The following IRAK2 variants were observed in gnomAD, a reference collection of about 807,000 sequenced individuals.
IRAK2 encodes interleukin 1 receptor associated kinase 2.
A neutral mutation model predicts 72.0 loss-of-function variants in IRAK2; 57 were observed. That is an observed-to-expected ratio of 0.79 (90% confidence interval 0.64 to 0.99). IRAK2 has a LOEUF of 0.99. IRAK2 is among the 50% of genes least tolerant of loss of function. The probability of loss-of-function intolerance (pLI) is 0.00; values close to 1 mark genes in which losing one functional copy is unlikely to be tolerated. For missense variants in IRAK2, 790 were observed against 794.4 expected (o/e 0.99, Z 0.07); for synonymous variants, 293 against 312.7 (o/e 0.94, Z 0.67).
chr3:10,184,939 G>A (rs907415239), intron 2 of IRAK2, among the ~76,000 whole-genome samples: 14 of 150,202 alleles, frequency 9.3e-5, no homozygotes, highest in South Asian at 8.4e-4. Flanking sequence ...GGGTTTCACC[G>A]TGTTAGCCAG....
At chr3:10,239,096 C>A in intron 12 of IRAK2, 57 bp downstream of exon 12, 2 of 1,444,002 alleles carry the variant, frequency 1.4e-6, no homozygotes, top group Non-Finnish European at 1.8e-6. Context: ...CAACTTCAGC[C>A]CATCATTTTT....
chr3:10,189,496 G>A (rs75709483), intron 2 of IRAK2, among the ~76,000 whole-genome samples: 1 of 152,270 alleles, frequency 6.6e-6, no homozygotes, highest in Non-Finnish European at 1.5e-5. Context: ...GATGTCAACT[G>A]AGTAGGACAG....
intron 4 of IRAK2, among the ~76,000 whole-genome samples, chr3:10,212,305 T>G (rs1364850142): frequency 6.6e-6 from 1 of 151,664 alleles, no homozygotes; most frequent in Non-Finnish European, 1.5e-5. Context: ...TTTTTGCAAT[T>G]TTTTTTTTAA....
At position 10,238,856 on chromosome 3, in the gene IRAK2, G is replaced by C; in HGVS notation, c.1582G>C (p.Glu528Gln). ...AGGCTCTTCTTCCAACACCCCAGAGGAAACAGACGACGTTGACAATTCCAG... is the reference window on the plus strand; with the variant it reads ...AGGCTCTTCTTCCAACACCCCAGAGCAAACAGACGACGTTGACAATTCCAG... ...GTGSSSNTPE[E>Q]TDDVDNSSLD... The change falls in exon 12 of 13, where the codon GAA becomes CAA. Residue 528 changes from glutamate to glutamine, a missense_variant. Coordinates refer to ENST00000256458, the MANE Select transcript of IRAK2 (RefSeq NM_001570.4). 1.2e-6 allele frequency: 2 copies of C among 1,614,132 alleles called. No individual in the cohort carries two copies. Among genetic ancestry groups the C allele is most frequent in the Non-Finnish European group, 1.7e-6 (2 of 1,180,010 alleles).
intron 2 of IRAK2, among the ~76,000 whole-genome samples, chr3:10,181,296 G>A (rs761531978): frequency 2.0e-5 from 3 of 151,804 alleles, no homozygotes; most frequent in Non-Finnish European, 4.4e-5. Flanking sequence ...TCAATATGGA[G>A]TGACTTTGTG....
chr3:10,176,888 C>T (rs1389508535), intron 1 of IRAK2, among the ~76,000 whole-genome samples: 8 of 146,296 alleles, frequency 5.5e-5, no homozygotes, highest in African/African-American at 1.8e-4. Flanking sequence ...CTGCAAGCTC[C>T]GCCTCCCAGG....
intron 2 of IRAK2, among the ~76,000 whole-genome samples, chr3:10,181,040 TG>T (rs1244492167): frequency 2.0e-5 from 3 of 152,136 alleles, no homozygotes; most frequent in Non-Finnish European, 4.4e-5. Flanking sequence ...GACTCCTCTG[TG>T]TGCCCCCAGC....
intron 6 of IRAK2, 21 bp from the exon 7 acceptor site, chr3:10,216,913 T>A: frequency 6.4e-7 from 1 of 1,574,602 alleles, no homozygotes. Context: ...TCCTCACACC[T>A]GCACTGACGC....
rs539586593 is a variant in IRAK2 at position 10,184,952 on chromosome 3, T to TGATCTC, written c.277+6933_277+6938dup. Among the ~76,000 whole-genome samples, 538 of 150,624 alleles carry TGATCTC rather than the reference T, an allele frequency of 3.6e-3. 23 individuals are homozygous for TGATCTC. Among genetic ancestry groups the TGATCTC allele is most frequent in the African/African-American group, 0.012 (502 of 40,498 alleles). On this transcript the variant is annotated intron_variant, in intron 2 of 12. Coordinates refer to ENST00000256458, the MANE Select transcript of IRAK2 (RefSeq NM_001570.4). ...CGGGGTTTCACCGTGTTAGCCAGGG[T>TGATCTC]GATCTCCTGACCTCGTGATCCGCCC...
Position 10,242,349 on chromosome 3 carries a change from C to CCTG in IRAK2, c.*121_*122insCTG. On this transcript the variant is annotated 3_prime_UTR_variant, in exon 13 of 13. Transcript: ENST00000256458. The stretch of plus-strand genomic sequence containing the variant: ...AACACACAACAAAACATCTGCTGTC[C>CCTG]TGGGTGGGAGGGAAACTTCATTTCA... The CCTG allele has an allele frequency of 1.8e-6, 1 of 558,822 alleles. No individual in the cohort carries two copies. Among genetic ancestry groups the CCTG allele is most frequent in the Non-Finnish European group, 3.2e-6 (1 of 316,022 alleles). 34.6% of individuals were successfully genotyped at this position (558,822 alleles called of 1,614,324 possible).
chr3:10,217,091 C>A, intron 7 of IRAK2, 43 bp downstream of exon 7: 2 of 1,399,958 alleles, frequency 1.4e-6, no homozygotes, highest in Non-Finnish European at 1.0e-6. Flanking sequence ...CCAGGCTGCA[C>A]CCAGCCATGG....
In IRAK2 at chr3:10,169,583, C is replaced by T. The variant is rs1696760200; in HGVS notation, c.94+4535C>T. On this transcript the variant is annotated intron_variant, in intron 1 of 12. Coordinates refer to ENST00000256458, the MANE Select transcript of IRAK2 (RefSeq NM_001570.4). ...TATGGCTCTATTCTGCCCGACCCCA[C>T]AGGCAGTCAGACCTTATGGTTATCT... Among the ~76,000 whole-genome samples the T allele has an allele frequency of 2.0e-5, 3 of 152,222 alleles. No individual in the cohort carries two copies. The South Asian group carries it at 6.2e-4, about 32-fold the overall frequency.
At chr3:10,200,329 T>A (rs1322236824) in intron 2 of IRAK2, 40 bp from the exon 3 acceptor site, 10 of 1,531,052 alleles carry the variant, frequency 6.5e-6, no homozygotes, top group Non-Finnish European at 8.8e-6. Context: ...CTACCCCACT[T>A]CATGGAATAG....
chr3:10,222,630 C>T lies in IRAK2; in HGVS notation c.1014-6C>T, dbSNP rs765194849. 2 of 1,611,942 alleles carry T rather than the reference C, an allele frequency of 1.2e-6. No homozygotes were observed. The highest frequency in any genetic ancestry group is 2.2e-5 in the South Asian group (2 of 91,048). On this transcript the variant is annotated splice_polypyrimidine_tract_variant and splice_region_variant and intron_variant, in intron 8 of 12. Coordinates refer to ENST00000256458, the MANE Select transcript of IRAK2 (RefSeq NM_001570.4). ...GAGAAGGTTCCCTCTCCTTTCATTTCCACAGCTCTAATGTCTTGCTGGACC... is the reference window on the plus strand; with the variant it reads ...GAGAAGGTTCCCTCTCCTTTCATTTTCACAGCTCTAATGTCTTGCTGGACC...
intron 10 of IRAK2, among the ~76,000 whole-genome samples, chr3:10,230,394 C>T (rs1262425330): frequency 6.6e-6 from 1 of 151,982 alleles, no homozygotes; most frequent in Non-Finnish European, 1.5e-5. Context: ...ATGATCATAG[C>T]TCACTGTCAC....
chr3:10,242,062 A>T, intron 12 of IRAK2, 54 bp from the exon 13 acceptor site: 1 of 993,978 alleles, frequency 1.0e-6, no homozygotes, highest in Non-Finnish European at 1.6e-6. Context: ...TAAGAATTAT[A>T]ATAATAGTAA....
chr3:10,190,296 T>G (rs155582), intron 2 of IRAK2, among the ~76,000 whole-genome samples: 7,561 of 138,356 alleles, frequency 0.055, 332 homozygotes, highest in African/African-American at 0.13. Flanking sequence ...TTTTTTTTTT[T>G]GTGAGACAGA....
In IRAK2 at chr3:10,238,749, T is replaced by C. The variant is rs949238310; in HGVS notation, c.1475T>C (p.Val492Ala). 2.5e-6 allele frequency: 4 copies of C among 1,613,464 alleles called. No homozygotes were observed. Among genetic ancestry groups the C allele is most frequent in the African/African-American group, 1.3e-5 (1 of 74,872 alleles). ...LRRRNTSLQE[V>A]CGSVAAVEER... ...TCCCTTCTCTCTCTTCTCCCAAAGGTGTGTGGCTCTGTGGCTGCTGTGGAA... is the reference window on the plus strand; with the variant it reads ...TCCCTTCTCTCTCTTCTCCCAAAGGCGTGTGGCTCTGTGGCTGCTGTGGAA... The change falls in exon 12 of 13, where the codon GTG becomes GCG. Residue 492 changes from valine (V) to alanine (A), a missense_variant and splice_region_variant. Physicochemically the swap from Val to Ala is moderately conservative, Grantham distance 64. Transcript: ENST00000256458.
intron 10 of IRAK2, among the ~76,000 whole-genome samples, chr3:10,227,419 G>C (rs1697797072): frequency 6.6e-6 from 1 of 152,168 alleles, no homozygotes; most frequent in African/African-American, 2.4e-5. Context: ...CTGCACTCCA[G>C]CCTGGGTGAC....
Sources: gnomAD v4.1 joint callset for allele counts (sites outside exome capture counted in the v4.1 genomes callset) on GRCh38, gnomAD v4.1.1 for gene constraint, MANE v1.5 for transcripts, NCBI Gene and HGNC (gene_info 2026-07-23, HGNC 2026-07-21) for gene names.